Variants in OGDH observed in about 807,000 individuals in gnomAD.
OGDH encodes oxoglutarate dehydrogenase, also known as 2-oxoglutarate dehydrogenase complex component E1.
A neutral mutation model predicts 116.6 loss-of-function variants in OGDH; 38 were observed. The observed-to-expected ratio is 0.33, with a 90% CI of 0.25 to 0.43. The LOEUF (loss-of-function observed/expected upper bound fraction) is 0.43. Among genes scored for constraint, OGDH ranks in the 20% least tolerant of loss-of-function variants. The pLI, the probability that OGDH is intolerant of heterozygous loss-of-function variation, is 1.00. For synonymous variants in OGDH, 488 were observed against 533.3 expected (o/e 0.92, Z 1.17); for missense variants, 825 against 1,357.2 (o/e 0.61, Z 6.16).
intron 1 of OGDH, among the ~76,000 whole-genome samples, chr7:44,622,441 G>A (rs1052135507): frequency 6.6e-6 from 1 of 152,094 alleles, no homozygotes; most frequent in African/African-American, 2.4e-5. Flanking sequence ...TTTGTAAGGA[G>A]CAAGTTTTTG....
intron 10 of OGDH, among the ~76,000 whole-genome samples, chr7:44,686,137 T>G (rs1788117017): frequency 6.6e-6 from 1 of 152,056 alleles, no homozygotes. Flanking sequence ...CACATGTATC[T>G]ATGCTTTGTA....
chr7:44,612,110 GT>G (rs1784589214), intron 1 of OGDH, among the ~76,000 whole-genome samples: 1 of 152,040 alleles, frequency 6.6e-6, no homozygotes, highest in African/African-American at 2.4e-5. Flanking sequence ...TTTGTGGGGG[GT>G]TTTTGCTTAT....
chr7:44,621,655 T>C (rs1295021), intron 1 of OGDH, among the ~76,000 whole-genome samples: 100,341 of 151,928 alleles, frequency 0.66, 33,620 homozygotes, highest in African/African-American at 0.78. Flanking sequence ...GGGCAGATCA[T>C]GAGGTCAGGA....
Position 44,707,932 on chromosome 7 carries a change from A to G in OGDH, c.3005A>G (p.His1002Arg). 6.2e-7 allele frequency: 1 copy of G among 1,613,756 alleles called. No individual in the cohort carries two copies. The highest frequency in any genetic ancestry group is 8.5e-7 in the Non-Finnish European group (1 of 1,179,986). ...CCAGCCACCGGCAACAAGAAGACCCACCTGACGGAGCTGCAGCGCCTCCTG... is the reference window on the plus strand; with the variant it reads ...CCAGCCACCGGCAACAAGAAGACCCGCCTGACGGAGCTGCAGCGCCTCCTG... ...AAPATGNKKT[H>R]LTELQRLLDT... Residue 1002 changes from histidine to arginine, a missense_variant, in exon 23 of 23, where the codon CAC becomes CGC. By Grantham distance (29) the His-to-Arg change is conservative. Transcript: ENST00000222673. This position sits in a 1 kb window ranked among gnomAD's most constrained non-coding sequence, Gnocchi z 5.2.
Position 44,646,588 on chromosome 7 carries a change from C to T in OGDH, c.415-1069C>T, listed in dbSNP as rs114173595. 5.8e-3 allele frequency among the ~76,000 whole-genome samples: 880 copies of T among 152,350 alleles called. 9 individuals carry two copies. The highest frequency in any genetic ancestry group is 0.019 in the African/African-American group (803 of 41,584). The stretch of plus-strand genomic sequence containing the variant: ...TGGTGTTTCTTTATCACTGCCTGCA[C>T]GCAGTTGGCCTCAGTAACAACTTCA... On this transcript the variant is annotated intron_variant, in intron 3 of 22. Coordinates refer to ENST00000222673, the MANE Select transcript of OGDH (RefSeq NM_002541.4).
chr7:44,707,260 C>G lies in OGDH; in HGVS notation c.2668C>G (p.Pro890Ala). Residue 890 changes from proline to alanine, a missense_variant, in exon 21 of 23, where the codon CCT becomes GCT. Pro to Ala is a conservative substitution (Grantham distance 27, BLOSUM62 -1). This residue lies in a region of OGDH where 212 missense variants were observed against 284.3 expected (regional missense o/e 0.75). Transcript: ENST00000222673. The surrounding 1 kb of genome is among the most constrained non-coding windows in gnomAD (Gnocchi z 5.2). ...CCAGCGGGTGATCCCAGAAGATGGC[C>G]CTGCAGCTCAGAACCCAGAAAATGT... Reference protein sequence around the residue: ...HFQRVIPEDGPAAQNPENVKR... With the variant: ...HFQRVIPEDGAAAQNPENVKR... 1 of 1,614,220 alleles carries G rather than the reference C, an allele frequency of 6.2e-7. No homozygotes were observed. The highest frequency in any genetic ancestry group is 8.5e-7 in the Non-Finnish European group (1 of 1,180,034).
intron 17 of OGDH, 57 bp from the exon 18 acceptor site, chr7:44,698,135 G>A (rs1788667354): frequency 6.3e-7 from 1 of 1,587,438 alleles, no homozygotes; most frequent in African/African-American, 1.3e-5. Context: ...AACAGCAGAT[G>A]CGGCAAATGT....
intron 10 of OGDH, among the ~76,000 whole-genome samples, chr7:44,687,061 A>G (rs1410964995): frequency 8.0e-6 from 1 of 125,152 alleles, no homozygotes; most frequent in African/African-American, 3.0e-5. Flanking sequence ...TGTTTGGGAT[A>G]TGCTCATGTT....
chr7:44,607,447 C>CCTT (rs1441746109), intron 1 of OGDH, among the ~76,000 whole-genome samples: 1 of 152,122 alleles, frequency 6.6e-6, no homozygotes, highest in African/African-American at 2.4e-5. Context: ...CATAGGACTT[C>CCTT]GTGTTAGGGT....
At chr7:44,641,454 G>C (rs185312649) in intron 2 of OGDH, among the ~76,000 whole-genome samples, 1 of 151,326 alleles carries the variant, frequency 6.6e-6, no homozygotes, top group East Asian at 2.0e-4. Flanking sequence ...TCGAACTCCT[G>C]ATCTCAGGTG....
At chr7:44,653,301 C>G (rs1023695458) in intron 4 of OGDH, among the ~76,000 whole-genome samples, 1 of 152,110 alleles carries the variant, frequency 6.6e-6, no homozygotes, top group Admixed American at 6.6e-5. Context: ...CTGTGTTGGT[C>G]AGGCTGGCCT....
At chr7:44,661,816 C>A (rs1301781944) in intron 4 of OGDH, among the ~76,000 whole-genome samples, 1 of 152,182 alleles carries the variant, frequency 6.6e-6, no homozygotes, top group East Asian at 1.9e-4. Context: ...GTTGGCCAGG[C>A]TGGTCTTGAA....
chr7:44,666,314 A>T (rs1406856352), intron 4 of OGDH, among the ~76,000 whole-genome samples: 1 of 152,016 alleles, frequency 6.6e-6, no homozygotes, highest in African/African-American at 2.4e-5. Context: ...CTTCTATATC[A>T]GTTCTTCATT....
At chr7:44,642,695 G>A (rs1463066789) in intron 2 of OGDH, among the ~76,000 whole-genome samples, 2 of 152,044 alleles carry the variant, frequency 1.3e-5, no homozygotes, top group East Asian at 1.9e-4. Context: ...AGGCCAAGGC[G>A]GGTGGATCAC....
chr7:44,616,808 C>CATATATACAT (rs1554296538), intron 1 of OGDH, among the ~76,000 whole-genome samples: 4 of 136,080 alleles, frequency 2.9e-5, no homozygotes, highest in Admixed American at 1.5e-4. Context: ...TATATATATG[C>CATATATACAT]ATATATACGT....
In OGDH at chr7:44,645,412, C is replaced by T. The variant is rs981144415; in HGVS notation, c.308C>T (p.Ser103Phe). 6.2e-7 allele frequency: 1 copy of T among 1,614,228 alleles called. No homozygotes were observed. Residue 103 changes from serine to phenylalanine, a missense_variant, in exon 3 of 23, where the codon TCC becomes TTC. Ser to Phe is a radical substitution (Grantham distance 155, BLOSUM62 -2). Coordinates refer to ENST00000222673, the MANE Select transcript of OGDH (RefSeq NM_002541.4). ...YQSPLPLSRG[S>F]LAAVAHAQSL... Reference sequence around the variant, plus strand: ...AGTCCCCTTCCCCTGAGCCGAGGCTCCCTGGCTGCTGTGGCCCATGCACAG... The same window carrying T: ...AGTCCCCTTCCCCTGAGCCGAGGCTTCCTGGCTGCTGTGGCCCATGCACAG...
intron 2 of OGDH, among the ~76,000 whole-genome samples, chr7:44,638,716 A>G (rs1197665845): frequency 6.6e-6 from 1 of 152,246 alleles, no homozygotes; most frequent in Non-Finnish European, 1.5e-5. Flanking sequence ...GACTCAGCTC[A>G]GGTTCTCAGT....
At chr7:44,619,684 A>G (rs1368126614) in intron 1 of OGDH, among the ~76,000 whole-genome samples, 1 of 151,948 alleles carries the variant, frequency 6.6e-6, no homozygotes, top group East Asian at 1.9e-4. Context: ...TACTGTTTCA[A>G]CTGTTGTTGC....
chr7:44,653,406 C>T (rs943419020), intron 4 of OGDH, among the ~76,000 whole-genome samples: 6 of 150,756 alleles, frequency 4.0e-5, no homozygotes, highest in African/African-American at 1.2e-4. Flanking sequence ...TTTTATCTTT[C>T]AAGTGTAGCA....
Sources: gnomAD v4.1 joint callset for allele counts (sites outside exome capture counted in the v4.1 genomes callset) on GRCh38, gnomAD v4.1.1 for gene constraint, gnomAD v4.1.1 regional missense constraint, Gnocchi (gnomAD v3.1) non-coding constraint, MANE v1.5 for transcripts, NCBI Gene and HGNC (gene_info 2026-07-23, HGNC 2026-07-21) for gene names.